The following YPEL1 variants were observed in gnomAD, a reference collection of about 807,000 sequenced individuals.
YPEL1 encodes protein yippee-like 1.
Under a neutral mutation model 17.3 loss-of-function variants are expected in YPEL1, and 7 were observed. That is an observed-to-expected ratio of 0.40 (90% CI 0.23 to 0.76). The LOEUF (loss-of-function observed/expected upper bound fraction) is 0.76, where lower values mean the gene tolerates loss of function less well. YPEL1 is among the 30% of genes least tolerant of loss of function. The probability of loss-of-function intolerance (pLI) is 0.35; values close to 1 mark genes in which losing one functional copy is unlikely to be tolerated. For missense variants in YPEL1, 91 were observed against 155.5 expected, an observed-to-expected ratio of 0.59 and a Z score of 2.21; for synonymous variants, 59 against 59.6, an observed-to-expected ratio of 0.99 and a Z score of 0.05.
intron 1 of YPEL1, among the ~76,000 whole-genome samples, chr22:21,729,654 G>A (rs1415932225): frequency 6.6e-6 from 1 of 152,140 alleles, no homozygotes; most frequent in African/African-American, 2.4e-5. Context: ...CACTGGTGAA[G>A]GTGCTCTGTG....
intron 1 of YPEL1, among the ~76,000 whole-genome samples, chr22:21,724,580 T>A (rs1340032203): frequency 6.6e-6 from 1 of 151,702 alleles, no homozygotes; most frequent in Non-Finnish European, 1.5e-5. Context: ...TTCTTTTTTT[T>A]TTTTTTTGTT....
Position 21,700,989 on chromosome 22 carries a change from C to G in YPEL1, c.*140G>C. On this transcript the variant is annotated 3_prime_UTR_variant, in exon 5 of 5. Transcript: ENST00000339468. ...GGGACACCTTACCCACAGAGATGGC[C>G]GAGAGTGTCAAGAGCTATGCGCAGC... is the stretch of plus-strand genomic sequence containing the variant. 1.5e-6 allele frequency: 1 copy of G among 646,634 alleles called. No individual in the cohort carries two copies. The highest frequency in any genetic ancestry group is 2.7e-6 in the Non-Finnish European group (1 of 371,648). The allele number at this position is 646,634 out of a possible 1,614,324, so 40.1% of individuals were successfully genotyped here. A position where few individuals can be genotyped will look rare whatever the true frequency, so the allele number is the denominator to read the frequency against.
At chr22:21,702,378 G>A (rs1397514501) in intron 4 of YPEL1, among the ~76,000 whole-genome samples, 1 of 152,212 alleles carries the variant, frequency 6.6e-6, no homozygotes, top group Non-Finnish European at 1.5e-5. Context: ...TTTCCATGGT[G>A]TGAACTGTGG....
chr22:21,732,786 TAAC>T lies in YPEL1; in HGVS notation c.-165+2826_-165+2828del, dbSNP rs762906953. Among the ~76,000 whole-genome samples the T allele has an allele frequency of 1.7e-4, 26 of 150,426 alleles. No homozygotes were observed. The East Asian group carries it at 3.2e-3, about 18-fold the overall frequency. ...ACAGAGTGGGACTCTGTCTCAAAAA[TAAC>T]AACAACAACAAAAACAAACAAACAA... is the stretch of plus-strand genomic sequence containing the variant. On this transcript the variant is annotated intron_variant, in intron 1 of 4. Coordinates refer to ENST00000339468, the MANE Select transcript of YPEL1 (RefSeq NM_013313.5).
intron 1 of YPEL1, among the ~76,000 whole-genome samples, chr22:21,721,126 T>C (rs565637468): frequency 2.0e-5 from 3 of 148,786 alleles, no homozygotes; most frequent in South Asian, 2.1e-4. Flanking sequence ...TTTGGGTTTT[T>C]TGGGGGGGGG....
intron 1 of YPEL1, among the ~76,000 whole-genome samples, chr22:21,734,306 T>G (rs1280420761): frequency 6.6e-6 from 1 of 152,208 alleles, no homozygotes; most frequent in East Asian, 1.9e-4. Flanking sequence ...GTGACAAGAA[T>G]GCACCCAGGT....
At chr22:21,731,272 G>A (rs1019906872) in intron 1 of YPEL1, among the ~76,000 whole-genome samples, 2 of 151,664 alleles carry the variant, frequency 1.3e-5, no homozygotes, top group African/African-American at 2.4e-5. Context: ...CCAGCTACTC[G>A]GGAGGCTGAG....
In YPEL1 at chr22:21,724,912, C is replaced by CT. The variant is rs963204196; in HGVS notation, c.-165+10702dup. Among the ~76,000 whole-genome samples, 866 of 142,100 alleles carry CT rather than the reference C, an allele frequency of 6.1e-3. 4 individuals carry two copies. The highest frequency in any genetic ancestry group is 0.02 in the African/African-American group (782 of 38,780). 93.2% of individuals were successfully genotyped at this position (142,100 alleles called of 152,430 possible). A position where few individuals can be genotyped will look rare whatever the true frequency, so the allele number is the denominator to read the frequency against. On this transcript the variant is annotated intron_variant, in intron 1 of 4. Transcript: ENST00000339468. ...TAAAATTTTATTTTACTTTTTCTTT[C>CT]TTTTTTTTTTTTGAAATGGACTTTC... is the stretch of plus-strand genomic sequence containing the variant.
In YPEL1 at chr22:21,703,091, G is replaced by A. The variant is rs1322515097; in HGVS notation, c.270+279C>T. 3.3e-5 allele frequency among the ~76,000 whole-genome samples: 5 copies of A among 152,034 alleles called. No individual in the cohort carries two copies. Among genetic ancestry groups the A allele is most frequent in the Non-Finnish European group, 5.9e-5 (4 of 68,012 alleles). ...AGGCTCTGCTCAGCGGGCCGAGGGCGGGCTGGGTGCAGAGAGCCTGGCTTA... is the reference window on the plus strand; with the variant it reads ...AGGCTCTGCTCAGCGGGCCGAGGGCAGGCTGGGTGCAGAGAGCCTGGCTTA... On this transcript the variant is annotated intron_variant, in intron 4 of 4. Coordinates refer to ENST00000339468, the MANE Select transcript of YPEL1 (RefSeq NM_013313.5). The surrounding 1 kb of genome is among the most constrained non-coding windows in gnomAD (Gnocchi z 6.1).
At chr22:21,730,911 C>T (rs1162889965) in intron 1 of YPEL1, among the ~76,000 whole-genome samples, 3 of 152,226 alleles carry the variant, frequency 2.0e-5, no homozygotes, top group Non-Finnish European at 4.4e-5. Context: ...CTCCTCCCAC[C>T]TGTGCTCAAG....
At chr22:21,732,305 A>T (rs1303481311) in intron 1 of YPEL1, among the ~76,000 whole-genome samples, 1 of 152,156 alleles carries the variant, frequency 6.6e-6, no homozygotes, top group East Asian at 1.9e-4. Flanking sequence ...CTCTTGTCAA[A>T]ATTCCCACTC....
At chr22:21,705,895 C>T (rs1311961003) in intron 2 of YPEL1, among the ~76,000 whole-genome samples, 11 of 151,434 alleles carry the variant, frequency 7.3e-5, no homozygotes, top group Admixed American at 5.9e-4. Context: ...TTTGGGGGGC[C>T]GAGGTGGGTG....
intron 1 of YPEL1, among the ~76,000 whole-genome samples, chr22:21,726,884 C>T (rs1461779426): frequency 6.6e-6 from 1 of 152,216 alleles, no homozygotes; most frequent in African/African-American, 2.4e-5. Flanking sequence ...CAGTGGGATG[C>T]AGAGGACGCT....
intron 2 of YPEL1, among the ~76,000 whole-genome samples, chr22:21,706,876 AAT>A (rs2068120985): frequency 6.6e-6 from 1 of 152,094 alleles, no homozygotes; most frequent in Admixed American, 6.6e-5. Flanking sequence ...TAAAAATAAA[AAT>A]AGTCATAAAA....
At chr22:21,719,702 T>C (rs945232794) in intron 1 of YPEL1, among the ~76,000 whole-genome samples, 2 of 151,756 alleles carry the variant, frequency 1.3e-5, no homozygotes, top group Non-Finnish European at 2.9e-5. Context: ...CTGGACAACA[T>C]GGCGAAACCC....
intron 1 of YPEL1, among the ~76,000 whole-genome samples, chr22:21,713,747 A>G (rs1349334773): frequency 1.3e-5 from 2 of 152,170 alleles, no homozygotes; most frequent in East Asian, 3.9e-4. Flanking sequence ...ACTGACTACA[A>G]TTATTTTAAA....
chr22:21,712,315 A>C (rs184095872), intron 1 of YPEL1, among the ~76,000 whole-genome samples: 613 of 150,648 alleles, frequency 4.1e-3, no homozygotes, highest in African/African-American at 0.014. Context: ...TTCTCTCTAT[A>C]CATATTCTCT....
intron 1 of YPEL1, among the ~76,000 whole-genome samples, chr22:21,735,388 G>C (rs1056235021): frequency 6.6e-6 from 1 of 152,140 alleles, no homozygotes; most frequent in African/African-American, 2.4e-5. Flanking sequence ...AGAAACGGCG[G>C]GGGAATCAAA....
chr22:21,701,353 C>T (rs779887289), intron 4 of YPEL1, 135 bp from the exon 5 acceptor site: 20 of 612,358 alleles, frequency 3.3e-5, no homozygotes, highest in South Asian at 1.5e-4. Context: ...TGCACTCATC[C>T]GGCGCTGGGA....
Sources: gnomAD v4.1 joint callset for allele counts (sites outside exome capture counted in the v4.1 genomes callset) on GRCh38, gnomAD v4.1.1 for gene constraint, Gnocchi (gnomAD v3.1) non-coding constraint, MANE v1.5 for transcripts, NCBI Gene and HGNC (gene_info 2026-07-23, HGNC 2026-07-21) for gene names.